The following CA10 variants were observed in gnomAD, a reference collection of about 807,000 sequenced individuals.
CA10 encodes the protein carbonic anhydrase-related protein 10.
Under a neutral mutation model 44.2 loss-of-function variants are expected in CA10, and 14 were observed. That is an observed-to-expected ratio of 0.32 (90% CI 0.21 to 0.50). The LOEUF is 0.50. Among genes scored for constraint, CA10 ranks in the 20% least tolerant of loss-of-function variants. The pLI, the probability that CA10 is intolerant of heterozygous loss-of-function variation, is 0.99. For synonymous variants in CA10, 159 were observed against 141.6 expected, an observed-to-expected ratio of 1.12 and a Z score of -0.87; for missense variants, 350 against 409.7, an observed-to-expected ratio of 0.85 and a Z score of 1.26.
At chr17:51,734,323 G>A (rs552245014) in intron 4 of CA10, among the ~76,000 whole-genome samples, 2 of 152,206 alleles carry the variant, frequency 1.3e-5, no homozygotes, top group South Asian at 4.2e-4. Flanking sequence ...TAGGCCTCTT[G>A]GTGCTGGAAG....
intron 4 of CA10, among the ~76,000 whole-genome samples, chr17:51,714,265 C>T (rs1916029204): frequency 6.6e-6 from 1 of 152,148 alleles, no homozygotes; most frequent in South Asian, 2.1e-4. Context: ...ATAGATTTTG[C>T]AATCCAGAAA....
intron 4 of CA10, among the ~76,000 whole-genome samples, chr17:51,726,483 C>T (rs142191566): frequency 2.7e-4 from 41 of 152,164 alleles, no homozygotes; most frequent in East Asian, 1.7e-3. Context: ...AGATGATGTA[C>T]GTGTTAATTA....
At chr17:51,989,984 A>G (rs540689749) in intron 2 of CA10, among the ~76,000 whole-genome samples, 3 of 152,136 alleles carry the variant, frequency 2.0e-5, no homozygotes, top group Non-Finnish European at 4.4e-5. Flanking sequence ...AACTTGCTCA[A>G]TATCACCCAG....
intron 3 of CA10, among the ~76,000 whole-genome samples, chr17:51,866,252 C>A (rs1001998498): frequency 5.9e-5 from 9 of 152,178 alleles, no homozygotes; most frequent in Non-Finnish European, 1.3e-4. Context: ...AGGAAATATT[C>A]CATCCCTTGA....
intron 3 of CA10, among the ~76,000 whole-genome samples, chr17:51,804,704 G>GA (rs1598053405): frequency 6.6e-6 from 1 of 152,124 alleles, no homozygotes; most frequent in Non-Finnish European, 1.5e-5. Flanking sequence ...ACATCCCACT[G>GA]AAAATGGAGG....
At chr17:52,037,509 A>G (rs745639826) in intron 2 of CA10, among the ~76,000 whole-genome samples, 2 of 152,178 alleles carry the variant, frequency 1.3e-5, no homozygotes, top group African/African-American at 4.8e-5. Flanking sequence ...AAAGAAATAT[A>G]TATTTGCATA....
At chr17:52,031,302 A>AC (rs1986460302) in intron 2 of CA10, among the ~76,000 whole-genome samples, 1 of 151,924 alleles carries the variant, frequency 6.6e-6, no homozygotes, top group Non-Finnish European at 1.5e-5. Flanking sequence ...GGCATGCACC[A>AC]CCATGCCTGG....
chr17:51,885,370 A>G (rs1488230294), intron 3 of CA10, among the ~76,000 whole-genome samples: 1 of 152,206 alleles, frequency 6.6e-6, no homozygotes, highest in Non-Finnish European at 1.5e-5. Flanking sequence ...TTTCACCCTT[A>G]GCTTTCATCA....
chr17:52,106,230 G>A (rs1380239413), intron 1 of CA10, among the ~76,000 whole-genome samples: 1 of 152,160 alleles, frequency 6.6e-6, no homozygotes. Context: ...ACTCAAGATC[G>A]TGAAAGTCTT....
chr17:51,821,480 C>A (rs1052164230), intron 3 of CA10, among the ~76,000 whole-genome samples: 1 of 151,956 alleles, frequency 6.6e-6, no homozygotes, highest in Non-Finnish European at 1.5e-5. Flanking sequence ...GTCGTCTCCC[C>A]GCAGCTGCTC....
rs147895619 is a variant in CA10 at position 51,940,346 on chromosome 17, C to T, written c.137-9214G>A. Among the ~76,000 whole-genome samples, 547 of 152,184 alleles carry T rather than the reference C, an allele frequency of 3.6e-3. 1 individual carries two copies. The highest frequency in any genetic ancestry group is 0.012 in the African/African-American group (516 of 41,540). ...CCTTCCTGATCAAAAAGATGCTGCT[C>T]TTCCCCTGCTACCACTACGGGACCG... On this transcript the variant is annotated intron_variant, in intron 2 of 8. Coordinates refer to ENST00000451037, the MANE Select transcript of CA10 (RefSeq NM_020178.5).
At chr17:51,882,290 C>G (rs1457566779) in intron 3 of CA10, among the ~76,000 whole-genome samples, 1 of 152,022 alleles carries the variant, frequency 6.6e-6, no homozygotes, top group Admixed American at 6.6e-5. Context: ...ATAAAATTAT[C>G]GTGTTATATT....
At chr17:51,651,410 C>T (rs576446364) in intron 5 of CA10, among the ~76,000 whole-genome samples, 21 of 152,290 alleles carry the variant, frequency 1.4e-4, no homozygotes, top group Middle Eastern at 3.4e-3. Flanking sequence ...GGAGGGAAGA[C>T]AGAAATGTTG....
In CA10 at chr17:51,794,590, G is replaced by C. The variant is rs576586637; in HGVS notation, c.280-46772C>G. Reference sequence around the variant, plus strand: ...ACACCAAAGACATAAAACCATATAAGTATCATGTGTTATATATCTATATAT... The same window carrying C: ...ACACCAAAGACATAAAACCATATAACTATCATGTGTTATATATCTATATAT... On this transcript the variant is annotated intron_variant, in intron 3 of 8. Coordinates refer to ENST00000451037, the MANE Select transcript of CA10 (RefSeq NM_020178.5). 2.0e-5 allele frequency among the ~76,000 whole-genome samples: 3 copies of C among 152,130 alleles called. No homozygotes were observed. The South Asian group carries it at 6.2e-4, about 32-fold the overall frequency.
At chr17:51,724,189 G>A (rs1185342729) in intron 4 of CA10, among the ~76,000 whole-genome samples, 1 of 152,216 alleles carries the variant, frequency 6.6e-6, no homozygotes, top group Non-Finnish European at 1.5e-5. Flanking sequence ...TACTGTCCTT[G>A]CAGAGTGGCA....
At chr17:51,869,736 C>A (rs1416492066) in intron 3 of CA10, among the ~76,000 whole-genome samples, 1 of 152,076 alleles carries the variant, frequency 6.6e-6, no homozygotes, top group Non-Finnish European at 1.5e-5. Context: ...AGAGCAAACC[C>A]CCTGTCTCTA....
At chr17:52,086,856 G>C (rs1988128743) in intron 1 of CA10, among the ~76,000 whole-genome samples, 1 of 152,148 alleles carries the variant, frequency 6.6e-6, no homozygotes, top group Non-Finnish European at 1.5e-5. Context: ...TCTACACTTA[G>C]CAGTCTTTTC....
intron 2 of CA10, among the ~76,000 whole-genome samples, chr17:52,017,351 T>G (rs900017712): frequency 6.6e-6 from 1 of 152,170 alleles, no homozygotes; most frequent in Non-Finnish European, 1.5e-5. Flanking sequence ...ACCAAAATGC[T>G]GATAGAAACA....
At chr17:51,742,196 G>A (rs537557319) in intron 4 of CA10, among the ~76,000 whole-genome samples, 1 of 152,268 alleles carries the variant, frequency 6.6e-6, no homozygotes, top group South Asian at 2.1e-4. Flanking sequence ...GGGAGATGGG[G>A]CTGGCATTCA....
Sources: gnomAD v4.1 joint callset for allele counts (sites outside exome capture counted in the v4.1 genomes callset) on GRCh38, gnomAD v4.1.1 for gene constraint, MANE v1.5 for transcripts, NCBI Gene and HGNC (gene_info 2026-07-23, HGNC 2026-07-21) for gene names.